Variants in ZSCAN18 observed in about 807,000 individuals in gnomAD.
The protein encoded by ZSCAN18 is zinc finger and SCAN domain containing 18, also known as zinc finger and SCAN domain-containing protein 18.
Under a neutral mutation model 31.1 loss-of-function variants are expected in ZSCAN18, and 16 were observed. That is an observed-to-expected ratio of 0.51 (90% CI 0.35 to 0.78). ZSCAN18 has a LOEUF of 0.78. ZSCAN18 is among the 30% of genes least tolerant of loss of function. The pLI, the probability that ZSCAN18 is intolerant of heterozygous loss-of-function variation, is 0.01. For synonymous variants in ZSCAN18, 375 were observed against 320.7 expected, an observed-to-expected ratio of 1.17 and a Z score of -1.81; for missense variants, 731 against 697.4, an observed-to-expected ratio of 1.05 and a Z score of -0.54.
intron 1 of ZSCAN18, among the ~76,000 whole-genome samples, chr19:58,096,481 A>G (rs2074522384): frequency 6.6e-6 from 1 of 152,240 alleles, no homozygotes; most frequent in Non-Finnish European, 1.5e-5. Context: ...AAGCTGAGGC[A>G]GAGAGCTCCA....
intron 1 of ZSCAN18, among the ~76,000 whole-genome samples, chr19:58,097,536 G>C (rs930525124): frequency 5.9e-5 from 9 of 151,780 alleles, no homozygotes; most frequent in African/African-American, 2.2e-4. Flanking sequence ...TTCCAAGGGT[G>C]GGGGCAGCAG....
chr19:58,101,125 C>CTT (rs71188077), upstream of ZSCAN18, among the ~76,000 whole-genome samples: 206 of 127,286 alleles, frequency 1.6e-3, 1 homozygote, highest in African/African-American at 3.4e-3. Flanking sequence ...ATTCCTCCCA[C>CTT]TTTTTTTTTT....
At chr19:58,098,570 A>G (rs2074565447), upstream of ZSCAN18, among the ~76,000 whole-genome samples, 1 of 152,224 alleles carries the variant, frequency 6.6e-6, no homozygotes, top group Non-Finnish European at 1.5e-5. Flanking sequence ...GCTCGGGGGC[A>G]GACCAAGACG....
At chr19:58,100,252 G>T (rs545498769), upstream of ZSCAN18, among the ~76,000 whole-genome samples, 1 of 152,146 alleles carries the variant, frequency 6.6e-6, no homozygotes, top group Admixed American at 6.5e-5. Context: ...ACCATGCCCA[G>T]TCTTTCCAGT....
At chr19:58,098,873 TAC>T (rs2074568507), upstream of ZSCAN18, among the ~76,000 whole-genome samples, 1 of 152,152 alleles carries the variant, frequency 6.6e-6, no homozygotes, top group African/African-American at 2.4e-5. Context: ...AAATGGGTTC[TAC>T]AGTTTCAAGG....
intron 1 of ZSCAN18, among the ~76,000 whole-genome samples, chr19:58,112,024 TTTTTA>T (rs890106152): frequency 5.9e-5 from 9 of 152,130 alleles, no homozygotes; most frequent in African/African-American, 1.2e-4. Context: ...CTTTCTTTAC[TTTTTA>T]TTTTATTTTA....
At chr19:58,118,244 C>T (rs985732333) in intron 1 of ZSCAN18, 1 of 1,247,230 alleles carries the variant, frequency 8.0e-7, no homozygotes, top group Middle Eastern at 2.0e-4. Context: ...CAGCCCCAGC[C>T]GCTCTGGAGT....
chr19:58,094,646 G>A (rs184378668), intron 1 of ZSCAN18, among the ~76,000 whole-genome samples: 26 of 150,820 alleles, frequency 1.7e-4, no homozygotes, highest in Admixed American at 6.6e-4. Flanking sequence ...GGGAGGCCAC[G>A]GTAGGTGGAC....
At chr19:58,104,008 CA>C (rs1319117410) in intron 1 of ZSCAN18, among the ~76,000 whole-genome samples, 2 of 152,182 alleles carry the variant, frequency 1.3e-5, no homozygotes, top group Non-Finnish European at 2.9e-5. Context: ...TCTCTTAAGC[CA>C]AAGCCTAATC....
At chr19:58,117,072 T>A (rs1467830935) in intron 1 of ZSCAN18, among the ~76,000 whole-genome samples, 1 of 100,850 alleles carries the variant, frequency 9.9e-6, no homozygotes, top group Non-Finnish European at 2.5e-5. Flanking sequence ...TGACACTACT[T>A]TTGAATTTTA....
At position 58,084,646 on chromosome 19, in the gene ZSCAN18, C is replaced by A. The variant is rs765672518; in HGVS notation, c.*39G>T. The stretch of plus-strand genomic sequence containing the variant: ...CAATGCCTCGTCTGGGATTCACGGC[C>A]GGCAAAGCGGCCCCTCCGGAACGGG... On this transcript the variant is annotated 3_prime_UTR_variant, in exon 7 of 7. Coordinates refer to ENST00000601144, the MANE Select transcript of ZSCAN18 (RefSeq NM_001145543.2). The surrounding 1 kb of genome is among the most constrained non-coding windows in gnomAD (Gnocchi z 4.5). 7.0e-7 allele frequency: 1 copy of A among 1,434,908 alleles called. No individual in the cohort carries two copies. The highest frequency in any genetic ancestry group is 9.1e-7 in the Non-Finnish European group (1 of 1,098,946). 88.9% of individuals were successfully genotyped at this position (1,434,908 alleles called of 1,614,324 possible).
chr19:58,106,751 TG>T (rs1380424536), intron 1 of ZSCAN18, among the ~76,000 whole-genome samples: 1 of 54,850 alleles, frequency 1.8e-5, no homozygotes, highest in Non-Finnish European at 5.6e-5. Context: ...AAAAGACATC[TG>T]TTTTTTTTGT....
chr19:58,084,845 T>C lies in ZSCAN18; in HGVS notation c.1373A>G (p.Glu458Gly). The stretch of plus-strand genomic sequence containing the variant: ...CTCCTTCTCGTGGGTCTTCTGGTGC[T>C]CGGCTAGGGCCAGGCTGAAGTGGAA... Reference protein sequence around the residue: ...KTFHFSLALAEHQKTHEKEKS... With the variant: ...KTFHFSLALAGHQKTHEKEKS... Residue 458 changes from glutamate to glycine, a missense_variant, in exon 7 of 7, where the codon GAG becomes GGG. This residue lies in a region of ZSCAN18 where 597 missense variants were observed against 499.5 expected (regional missense o/e 1.20). Transcript: ENST00000601144. The surrounding 1 kb of genome is among the most constrained non-coding windows in gnomAD (Gnocchi z 4.5). 6.3e-7 allele frequency: 1 copy of C among 1,599,640 alleles called. No homozygotes were observed. Among genetic ancestry groups the C allele is most frequent in the Non-Finnish European group, 8.5e-7 (1 of 1,175,110 alleles).
chr19:58,096,540 T>C (rs771035555), intron 1 of ZSCAN18, among the ~76,000 whole-genome samples: 3 of 152,208 alleles, frequency 2.0e-5, no homozygotes, highest in Non-Finnish European at 4.4e-5. Context: ...CTGGTGGGTC[T>C]CCAGAGTCCT....
chr19:58,106,992 T>C (rs1350863334), intron 1 of ZSCAN18, among the ~76,000 whole-genome samples: 1 of 151,686 alleles, frequency 6.6e-6, no homozygotes, highest in East Asian at 2.0e-4. Flanking sequence ...CTCGAAATCC[T>C]GACCTCGTGA....
chr19:58,116,830 A>C (rs2074733968), intron 1 of ZSCAN18, among the ~76,000 whole-genome samples: 1 of 152,186 alleles, frequency 6.6e-6, no homozygotes, highest in African/African-American at 2.4e-5. Flanking sequence ...CACGGGAGCA[A>C]GGAGATGCCC....
chr19:58,112,950 C>CA (rs55721042), intron 1 of ZSCAN18, among the ~76,000 whole-genome samples: 1,188 of 69,464 alleles, frequency 0.017, 58 homozygotes, highest in East Asian at 0.11. Context: ...GGCTCCGTTT[C>CA]AAAAAAAAAA....
upstream of ZSCAN18, chr19:58,098,250 G>A: frequency 3.0e-6 from 3 of 985,506 alleles, no homozygotes; most frequent in Non-Finnish European, 3.6e-6. Context: ...AACTGCGCCT[G>A]CGCACTGGGC....
At chr19:58,117,655 T>G (rs1415378787) in intron 1 of ZSCAN18, among the ~76,000 whole-genome samples, 1 of 149,198 alleles carries the variant, frequency 6.7e-6, no homozygotes, top group Non-Finnish European at 1.5e-5. Context: ...CGTCCGCACC[T>G]GTGCAGGAAG....
Sources: gnomAD v4.1 joint callset for allele counts (sites outside exome capture counted in the v4.1 genomes callset) on GRCh38, gnomAD v4.1.1 for gene constraint, gnomAD v4.1.1 regional missense constraint, Gnocchi (gnomAD v3.1) non-coding constraint, MANE v1.5 for transcripts, NCBI Gene and HGNC (gene_info 2026-07-23, HGNC 2026-07-21) for gene names.